The following KIF5C variants were observed in gnomAD, a reference collection of about 807,000 sequenced individuals.
The protein encoded by KIF5C is kinesin family member 5C.
In KIF5C, 18 loss-of-function variants were observed where a neutral mutation model predicts 125.2. The observed-to-expected ratio is 0.14, with a 90% CI of 0.10 to 0.21. The LOEUF is 0.21. Among genes scored for constraint, KIF5C ranks in the 10% least tolerant of loss-of-function variants. KIF5C has a pLI of 1.00. For missense variants in KIF5C, 780 were observed against 1,183.8 expected (o/e 0.66, Z 5.01); for synonymous variants, 405 against 434.0 (o/e 0.93, Z 0.83).
chr2:148,988,685 A>G (rs1681447817), intron 15 of KIF5C, among the ~76,000 whole-genome samples: 2 of 152,224 alleles, frequency 1.3e-5, no homozygotes, highest in South Asian at 4.1e-4. Flanking sequence ...TCCTTCTCCT[A>G]CACTGGACTA....
chr2:148,928,544 CT>C (rs1682090202), intron 2 of KIF5C, among the ~76,000 whole-genome samples: 1 of 152,154 alleles, frequency 6.6e-6, no homozygotes, highest in South Asian at 2.1e-4. Flanking sequence ...ACCCTCGAGC[CT>C]CCCCTTGTCC....
chr2:149,008,518 C>T (rs1166580398), intron 23 of KIF5C, among the ~76,000 whole-genome samples: 1 of 152,044 alleles, frequency 6.6e-6, no homozygotes, highest in Non-Finnish European at 1.5e-5. Context: ...GTGGGAGGAC[C>T]GGGACTGGAA....
chr2:148,967,999 T>G (rs1166218735), intron 11 of KIF5C, among the ~76,000 whole-genome samples: 3 of 152,132 alleles, frequency 2.0e-5, no homozygotes, highest in African/African-American at 7.2e-5. Context: ...GGCTTCCTGT[T>G]GCTGCCAGGT....
chr2:149,017,175 C>T (rs975804001), intron 25 of KIF5C, among the ~76,000 whole-genome samples: 8 of 152,056 alleles, frequency 5.3e-5, no homozygotes, highest in Admixed American at 1.3e-4. Flanking sequence ...GGTGGGGCTG[C>T]GTTGCTTTTC....
At position 149,023,218 on chromosome 2, in the gene KIF5C, T is replaced by C. The variant is rs1030170176; in HGVS notation, c.*148T>C. 3 of 152,178 alleles carry C rather than the reference T, an allele frequency of 2.0e-5. No homozygotes were observed. Among genetic ancestry groups the C allele is most frequent in the Non-Finnish European group, 4.4e-5 (3 of 68,038 alleles). The allele number at this position is 152,178 out of a possible 1,614,324, so 9.4% of individuals were successfully genotyped here. ...CCAGTTTCAGGTCTTTTGAGCTGTG[T>C]AGAGTTTCTGTGTGTACAGATGTGT... is the stretch of plus-strand genomic sequence containing the variant. On this transcript the variant is annotated 3_prime_UTR_variant, in exon 26 of 26. Transcript: ENST00000435030.
At chr2:149,010,082 G>A (rs545393797) in intron 23 of KIF5C, 53 bp from the exon 24 acceptor site, 3 of 1,504,946 alleles carry the variant, frequency 2.0e-6, no homozygotes, top group South Asian at 1.3e-5. Flanking sequence ...GCTCTGGTTT[G>A]TGCAATGCTG....
At chr2:148,904,490 G>A (rs1681026437) in intron 1 of KIF5C, among the ~76,000 whole-genome samples, 1 of 152,130 alleles carries the variant, frequency 6.6e-6, no homozygotes, top group African/African-American at 2.4e-5. Context: ...TTCAGATGTT[G>A]GCTATCATAT....
intron 7 of KIF5C, 137 bp from the exon 8 acceptor site, chr2:148,946,762 G>C (rs1459015180): frequency 3.1e-6 from 4 of 1,277,992 alleles, no homozygotes; most frequent in Non-Finnish European, 3.2e-6. Context: ...AGGGGTCTCA[G>C]ATAATTTTTA....
At position 149,010,310 on chromosome 2, in the gene KIF5C, G is replaced by A. The variant is rs1291911375; in HGVS notation, c.2726G>A (p.Arg909Gln). The A allele has an allele frequency of 1.3e-6, 2 of 1,593,888 alleles. No individual in the cohort carries two copies. Among genetic ancestry groups the A allele is most frequent in the South Asian group, 1.1e-5 (1 of 87,366 alleles). The change falls in exon 24 of 26, where the codon CGG becomes CAG. Residue 909 changes from arginine (R) to glutamine (Q), a missense_variant. Arg to Gln is a conservative substitution (Grantham distance 43). Around this residue, in one of 2 missense-constraint regions of KIF5C, gnomAD observed 573 missense variants for 742.6 expected, o/e 0.77. Coordinates refer to ENST00000435030, the MANE Select transcript of KIF5C (RefSeq NM_004522.3). ...GTGGATCGTATCAAGGAGGCCGTGC[G>A]GGCCAAGAACATGGCCAGAAGGGCC... ...QEVDRIKEAV[R>Q]AKNMARRAHS...
At chr2:148,939,617 G>C (rs1302075536) in intron 4 of KIF5C, among the ~76,000 whole-genome samples, 2 of 152,186 alleles carry the variant, frequency 1.3e-5, no homozygotes, top group African/African-American at 4.8e-5. Context: ...TAAGTCTCTA[G>C]GGCTGAATTT....
chr2:148,990,376 G>A (rs184381981), intron 15 of KIF5C, among the ~76,000 whole-genome samples: 2 of 152,304 alleles, frequency 1.3e-5, no homozygotes, highest in Non-Finnish European at 2.9e-5. Flanking sequence ...AAAAGGCAAA[G>A]GAAAATAGAC....
rs1553467775 is a variant in KIF5C at position 148,971,282 on chromosome 2, G to GTCTA, written c.1118-2051_1118-2050insATCT. Among the ~76,000 whole-genome samples the GTCTA allele has an allele frequency of 1.7e-3, 237 of 140,652 alleles. 1 individual carries two copies. Among genetic ancestry groups the GTCTA allele is most frequent in the African/African-American group, 5.4e-3 (207 of 38,430 alleles). 92.3% of individuals were successfully genotyped at this position (140,652 alleles called of 152,430 possible). On this transcript the variant is annotated intron_variant, in intron 11 of 25. Transcript: ENST00000435030. ...GATTAGAAAATCTGTCTGTCTGTCT[G>GTCTA]TCTGTCTGTCTATCTATCTATCTAT...
intron 15 of KIF5C, among the ~76,000 whole-genome samples, chr2:148,986,155 T>C (rs1681376620): frequency 6.6e-6 from 1 of 152,184 alleles, no homozygotes; most frequent in Non-Finnish European, 1.5e-5. Flanking sequence ...AGTTCTAAAA[T>C]AGAGCTGATG....
chr2:148,965,696 C>A (rs1683032887), intron 11 of KIF5C, among the ~76,000 whole-genome samples: 1 of 152,158 alleles, frequency 6.6e-6, no homozygotes, highest in Non-Finnish European at 1.5e-5. Flanking sequence ...ATTTAATCCT[C>A]AAGTAGCTCT....
intron 11 of KIF5C, among the ~76,000 whole-genome samples, chr2:148,971,290 G>GTCTGTCTGTCTGTCTATCTA (rs764761986): frequency 7.3e-6 from 1 of 137,222 alleles, no homozygotes; most frequent in Non-Finnish European, 1.6e-5. Context: ...CTGTCTGTCT[G>GTCTGTCTGTCTGTCTATCTA]TCTATCTATC....
At chr2:148,976,995 AT>A (rs2105152524) in intron 12 of KIF5C, among the ~76,000 whole-genome samples, 1 of 152,350 alleles carries the variant, frequency 6.6e-6, no homozygotes, top group East Asian at 1.9e-4. Flanking sequence ...GAGCGTGCTT[AT>A]GCATGTTCTA....
chr2:148,953,201 G>A (rs557088097), intron 10 of KIF5C, among the ~76,000 whole-genome samples: 1 of 152,190 alleles, frequency 6.6e-6, no homozygotes, highest in Non-Finnish European at 1.5e-5. Context: ...TTCACAGTAG[G>A]TGGTCAATAA....
chr2:148,978,413 A>T (rs538235366), intron 12 of KIF5C, among the ~76,000 whole-genome samples: 1 of 148,614 alleles, frequency 6.7e-6, no homozygotes, highest in African/African-American at 2.5e-5. Flanking sequence ...TCCAATGCCA[A>T]ATCTCCAGTT....
intron 1 of KIF5C, among the ~76,000 whole-genome samples, chr2:148,910,722 A>T (rs1363017790): frequency 2.0e-5 from 3 of 152,236 alleles, no homozygotes; most frequent in Admixed American, 2.0e-4. Flanking sequence ...AAGCTCTTTT[A>T]GTTGCTGGGC....
Sources: gnomAD v4.1 joint callset for allele counts (sites outside exome capture counted in the v4.1 genomes callset) on GRCh38, gnomAD v4.1.1 for gene constraint, gnomAD v4.1.1 regional missense constraint, MANE v1.5 for transcripts, NCBI Gene and HGNC (gene_info 2026-07-23, HGNC 2026-07-21) for gene names.